Variants in DISC1 observed in about 807,000 individuals in gnomAD.
The protein encoded by DISC1 is DISC1 scaffold protein.
DISC1 carries 57 observed loss-of-function variants against 84.5 expected under a neutral mutation model. That is an observed-to-expected ratio of 0.67 (90% CI 0.55 to 0.84). DISC1 has a LOEUF of 0.84. Ranked by LOEUF, DISC1 falls within the 40% of genes least tolerant of loss-of-function variation. The pLI is 0.00. For missense variants in DISC1, 1,000 were observed against 1,057.8 expected, an observed-to-expected ratio of 0.95 and a Z score of 0.76; for synonymous variants, 411 against 415.2, an observed-to-expected ratio of 0.99 and a Z score of 0.12.
chr1:231,862,326 C>A (rs574576453), intron 9 of DISC1, among the ~76,000 whole-genome samples: 7 of 152,272 alleles, frequency 4.6e-5, no homozygotes, highest in African/African-American at 1.7e-4. Context: ...TCTCATCACT[C>A]ATGGCAACTG....
chr1:231,677,732 A>G (rs1394195853), intron 1 of DISC1, among the ~76,000 whole-genome samples: 2 of 152,218 alleles, frequency 1.3e-5, no homozygotes, highest in East Asian at 1.9e-4. Context: ...TAATCCAAGC[A>G]CTTTGGGAGG....
intron 9 of DISC1, among the ~76,000 whole-genome samples, chr1:231,931,311 T>G (rs821577): frequency 0.53 from 80,562 of 152,008 alleles, 22,348 homozygotes; most frequent in East Asian, 0.81. Flanking sequence ...GGCAGGAATT[T>G]CTCTAACCTT....
intron 2 of DISC1, among the ~76,000 whole-genome samples, chr1:231,695,350 G>C (rs1266100497): frequency 6.6e-6 from 1 of 152,166 alleles, no homozygotes; most frequent in Non-Finnish European, 1.5e-5. Context: ...TCATAGGATT[G>C]TTCTAAGGCT....
At position 232,039,664 on chromosome 1, in the gene DISC1, G is replaced by A. The variant is rs1670698876; in HGVS notation, c.*2833G>A. 1 of 152,168 alleles carries A rather than the reference G, an allele frequency of 6.6e-6. No homozygotes were observed. Among genetic ancestry groups the A allele is most frequent in the African/African-American group, 2.4e-5 (1 of 41,448 alleles). 9.4% of individuals were successfully genotyped at this position (152,168 alleles called of 1,614,324 possible). A position where few individuals can be genotyped will look rare whatever the true frequency, so the allele number is the denominator to read the frequency against. ...CTTTGACCCTGGGAGACACAGGACT[G>A]TGTATCCTCAATCATACTATACAGC... On this transcript the variant is annotated 3_prime_UTR_variant, in exon 13 of 13. Transcript: ENST00000439617.
chr1:232,007,563 C>CAT (rs756564131), intron 10 of DISC1, among the ~76,000 whole-genome samples: 46 of 152,132 alleles, frequency 3.0e-4, no homozygotes, highest in Non-Finnish European at 5.4e-4. Flanking sequence ...GAGCATTTAT[C>CAT]CAATGCCTGT....
At chr1:231,700,121 A>T (rs1429490128) in intron 2 of DISC1, among the ~76,000 whole-genome samples, 4 of 152,166 alleles carry the variant, frequency 2.6e-5, no homozygotes, top group African/African-American at 9.7e-5. Context: ...CCTGATCCCC[A>T]TAACGTGGTT....
At chr1:231,784,716 G>A (rs761886917) in intron 6 of DISC1, among the ~76,000 whole-genome samples, 1 of 152,126 alleles carries the variant, frequency 6.6e-6, no homozygotes, top group African/African-American at 2.4e-5. Context: ...GAGCACGAAG[G>A]TGAGTGTCTG....
intron 9 of DISC1, chr1:231,818,925 A>G (rs181619542): frequency 3.9e-6 from 4 of 1,015,288 alleles, no homozygotes; most frequent in Non-Finnish European, 4.7e-6. Context: ...AGGGAAGACC[A>G]TAAAGTGGCT....
chr1:231,906,985 CTTTT>C (rs2088717399), intron 9 of DISC1, among the ~76,000 whole-genome samples: 2 of 150,564 alleles, frequency 1.3e-5, no homozygotes, highest in Admixed American at 1.3e-4. Flanking sequence ...TCTTTTCTTT[CTTTT>C]CTTTCTTTCT....
rs1036714365 is a variant in DISC1 at position 231,954,073 on chromosome 1, T to C, written c.1982-4755T>C. Among the ~76,000 whole-genome samples the C allele has an allele frequency of 6.6e-6, 1 of 152,232 alleles. No homozygotes were observed. The highest frequency in any genetic ancestry group is 2.4e-5 in the African/African-American group (1 of 41,464). On this transcript the variant is annotated intron_variant, in intron 9 of 12. Transcript: ENST00000439617. This position sits in a 1 kb window ranked among gnomAD's most constrained non-coding sequence, Gnocchi z 4.8. ...TGTTGACATTCTTCTACCTTCCAAC[T>C]TCCGTGTTTACACTGAAAAAGCTGT...
At chr1:231,886,807 CT>C (rs1282163920) in intron 9 of DISC1, among the ~76,000 whole-genome samples, 5 of 140,162 alleles carry the variant, frequency 3.6e-5, no homozygotes, top group African/African-American at 1.3e-4. Flanking sequence ...TTCTTTCTTT[CT>C]TTCTTTCTTT....
chr1:232,016,856 A>G (rs1377232901), intron 11 of DISC1, among the ~76,000 whole-genome samples: 4 of 152,206 alleles, frequency 2.6e-5, no homozygotes, highest in Admixed American at 2.0e-4. Context: ...AGAAATACGC[A>G]GTTACTCAGG....
rs971907896 is a variant in DISC1 at position 231,630,453 on chromosome 1, T to C, written c.67+3519T>C. On this transcript the variant is annotated intron_variant, in intron 1 of 12. Coordinates refer to ENST00000439617, the MANE Select transcript of DISC1 (RefSeq NM_018662.3). The surrounding 1 kb of genome is among the most constrained non-coding windows in gnomAD (Gnocchi z 4.4). ...GATTACAGATGTGAACCATTGCACC[T>C]GGCCAGAATCATTCTTTTGATAATA... 3.3e-5 allele frequency among the ~76,000 whole-genome samples: 5 copies of C among 152,084 alleles called. No individual in the cohort carries two copies. The highest frequency in any genetic ancestry group is 1.2e-4 in the African/African-American group (5 of 41,396).
At chr1:231,934,463 G>A (rs2090862175) in intron 9 of DISC1, among the ~76,000 whole-genome samples, 1 of 152,204 alleles carries the variant, frequency 6.6e-6, no homozygotes, top group African/African-American at 2.4e-5. Flanking sequence ...GGTCCGTGCT[G>A]CGGTTTAGTG....
intron 10 of DISC1, among the ~76,000 whole-genome samples, chr1:232,004,305 G>C (rs532955742): frequency 6.6e-6 from 1 of 151,984 alleles, no homozygotes; most frequent in South Asian, 2.1e-4. Flanking sequence ...TTTGAAAGGA[G>C]TAATAAGATA....
intron 1 of DISC1, among the ~76,000 whole-genome samples, chr1:231,686,094 C>T (rs1040471934): frequency 1.3e-5 from 2 of 152,218 alleles, no homozygotes; most frequent in Non-Finnish European, 2.9e-5. Context: ...TACAGCCTCC[C>T]TCCCAGCTGC....
intron 10 of DISC1, among the ~76,000 whole-genome samples, chr1:231,983,256 G>A (rs996737851): frequency 6.6e-6 from 1 of 151,826 alleles, no homozygotes; most frequent in Non-Finnish European, 1.5e-5. Flanking sequence ...AATCTGCTAC[G>A]AAAAGGGCTT....
At chr1:231,889,403 A>C (rs1050007309) in intron 9 of DISC1, among the ~76,000 whole-genome samples, 7 of 152,228 alleles carry the variant, frequency 4.6e-5, no homozygotes, top group African/African-American at 1.7e-4. Context: ...AACTGAAGCC[A>C]GAGAAGTAAG....
At chr1:231,884,009 A>G (rs1429737044) in intron 9 of DISC1, among the ~76,000 whole-genome samples, 1 of 152,046 alleles carries the variant, frequency 6.6e-6, no homozygotes, top group African/African-American at 2.4e-5. Flanking sequence ...TCCCTTGCCC[A>G]GGGTGGGTGG....
Sources: gnomAD v4.1 joint callset for allele counts (sites outside exome capture counted in the v4.1 genomes callset) on GRCh38, gnomAD v4.1.1 for gene constraint, Gnocchi (gnomAD v3.1) non-coding constraint, MANE v1.5 for transcripts, NCBI Gene and HGNC (gene_info 2026-07-23, HGNC 2026-07-21) for gene names.